PLCH2: variants seen among roughly 807,000 people sequenced by gnomAD.
The protein encoded by PLCH2 is 1-phosphatidylinositol 4,5-bisphosphate phosphodiesterase eta-2.
Under a neutral mutation model 134.7 loss-of-function variants are expected in PLCH2, and 98 were observed. The ratio of observed to expected loss-of-function variants is 0.73; its 90% CI spans 0.62 to 0.86. The LOEUF (loss-of-function observed/expected upper bound fraction) is 0.86. PLCH2 is among the 40% of genes least tolerant of loss of function. The pLI, the probability that PLCH2 is intolerant of heterozygous loss-of-function variation, is 0.00. For synonymous variants in PLCH2, 974 were observed against 827.5 expected (o/e 1.18, Z -3.04); for missense variants, 1,994 against 1,986.6 (o/e 1.00, Z -0.07).
intron 1 of PLCH2, chr1:2,426,079 A>G (rs1638781974): frequency 6.6e-6 from 1 of 152,290 alleles, no homozygotes; most frequent in East Asian, 1.9e-4. Context: ...AGACCTTCTT[A>G]GGGAAATGGC....
chr1:2,420,810 C>T, the PLCH2 span, among the ~76,000 whole-genome samples: 1 of 152,228 alleles, frequency 6.6e-6, no homozygotes, highest in East Asian at 1.9e-4. Flanking sequence ...ACATCAGTAT[C>T]TCTTCCCCCT....
At chr1:2,497,130 C>CCAGGA in intron 15 of PLCH2, 120 bp downstream of exon 15, 1 of 978,076 alleles carries the variant, frequency 1.0e-6, no homozygotes, top group Non-Finnish European at 1.5e-6. Context: ...GCTCTATTGC[C>CCAGGA]CTTGGAGCCT....
upstream of PLCH2, among the ~76,000 whole-genome samples, chr1:2,463,734 A>T (rs2100596519): frequency 6.6e-6 from 1 of 152,260 alleles, no homozygotes; most frequent in Admixed American, 6.5e-5. Context: ...TTGGTGCAAG[A>T]ATGTCCCCCG....
intron 2 of PLCH2, among the ~76,000 whole-genome samples, chr1:2,436,694 G>A (rs1047481361): frequency 6.6e-6 from 1 of 152,196 alleles, no homozygotes; most frequent in African/African-American, 2.4e-5. Flanking sequence ...GGCTATGCAG[G>A]CTGTGCTGGC....
intron 2 of PLCH2, among the ~76,000 whole-genome samples, chr1:2,436,339 CCACCTTT>C (rs1557943020): frequency 1.5e-4 from 1 of 6,844 alleles, no homozygotes; most frequent in Non-Finnish European, 2.9e-4. Context: ...CTTCCTCCCT[CCACCTTT>C]CCTCCCTTCC....
chr1:2,475,638 G>A (rs542782746), upstream of PLCH2, among the ~76,000 whole-genome samples: 7 of 152,348 alleles, frequency 4.6e-5, no homozygotes, highest in East Asian at 9.7e-4. Flanking sequence ...TCAGATGGCT[G>A]TCATCCCTGC....
Position 2,433,579 on chromosome 1 carries a change from C to T in PLCH2, c.115+2950C>T, listed in dbSNP as rs1052683595. Among the ~76,000 whole-genome samples the T allele has an allele frequency of 5.9e-5, 9 of 152,348 alleles. 1 individual carries two copies. In the South Asian group the frequency reaches 8.3e-4, roughly 14 times the overall value. ...TGTGTCCGCACAGCAGGAGCCTCCC[C>T]GGGGGCTTTCTGACTTCAAAGTGCA... On this transcript the variant is annotated intron_variant, in intron 2 of 3. Coordinates refer to the PLCH2 transcript ENST00000609981.
intron 21 of PLCH2, chr1:2,503,164 C>T: frequency 1.6e-6 from 1 of 632,622 alleles, no homozygotes; most frequent in Non-Finnish European, 2.9e-6. Context: ...TGGGAAGAAC[C>T]AGCTGCTCTT....
At chr1:2,423,784 T>A (rs12118145), upstream of PLCH2, among the ~76,000 whole-genome samples, 1 of 152,102 alleles carries the variant, frequency 6.6e-6, no homozygotes, top group Non-Finnish European at 1.5e-5. Flanking sequence ...GTTCTCTCTA[T>A]GGTAGTTAGG....
chr1:2,427,841 C>T (rs2494435), intron 1 of PLCH2, among the ~76,000 whole-genome samples: 21,219 of 152,118 alleles, frequency 0.14, 1,667 homozygotes, highest in African/African-American at 0.18. Flanking sequence ...GGGTGGGAGC[C>T]GGCTTGGACT....
intron 8 of PLCH2, 83 bp downstream of exon 8, chr1:2,487,801 C>G (rs1201449134): frequency 7.6e-7 from 1 of 1,317,192 alleles, no homozygotes; most frequent in African/African-American, 1.5e-5. Flanking sequence ...GCCACACCCA[C>G]ATGTCCTTTC....
chr1:2,495,568 A>G lies in PLCH2; in HGVS notation c.1833A>G (p.Arg611=). The G allele has an allele frequency of 1.3e-6, 2 of 1,546,418 alleles. No homozygotes were observed. Among genetic ancestry groups the G allele is most frequent in the Non-Finnish European group, 1.7e-6 (2 of 1,144,514 alleles). ...EGQDSPGGQS[R]GATRQKKTMK... is the part of the protein sequence containing the mutation. ...AGGACTCCCCGGGAGGCCAGAGCCGAGGGTAGGTGCCCTGCCCCACGGGGA... is the reference window on the plus strand; with the variant it reads ...AGGACTCCCCGGGAGGCCAGAGCCGGGGGTAGGTGCCCTGCCCCACGGGGA... The change falls in exon 13 of 22, where the codon CGA becomes CGG. Residue 611 remains arginine (R), a splice_region_variant and synonymous_variant. Transcript: ENST00000378486.
chr1:2,505,454 G>C lies in PLCH2; in HGVS notation c.*241G>C. The C allele has an allele frequency of 1.8e-6, 1 of 569,528 alleles. No homozygotes were observed. The highest frequency in any genetic ancestry group is 2.1e-5 in the South Asian group (1 of 46,556). 35.3% of individuals were successfully genotyped at this position (569,528 alleles called of 1,614,324 possible). A position where few individuals can be genotyped will look rare whatever the true frequency, so the allele number is the denominator to read the frequency against. The stretch of plus-strand genomic sequence containing the variant: ...GCCAGGCAGTTTTCCCGGCGTTTTA[G>C]GATCTGTACATAGAGAAATATTTAA... On this transcript the variant is annotated 3_prime_UTR_variant, in exon 22 of 22. Coordinates refer to ENST00000378486, the MANE Select transcript of PLCH2 (RefSeq NM_014638.4).
intron 8 of PLCH2, among the ~76,000 whole-genome samples, chr1:2,487,934 G>A (rs906207365): frequency 1.3e-5 from 2 of 152,208 alleles, no homozygotes; most frequent in East Asian, 1.9e-4. Context: ...GGAGCAGCTC[G>A]TCCACACGCC....
intron 2 of PLCH2, among the ~76,000 whole-genome samples, chr1:2,450,784 C>T (rs1336335986): frequency 7.2e-6 from 1 of 138,426 alleles, no homozygotes; most frequent in Non-Finnish European, 1.6e-5. Context: ...GACCCTTGGA[C>T]CAGGCGCGTT....
chr1:2,460,570 G>T (rs754509819), intron 2 of PLCH2, among the ~76,000 whole-genome samples: 2 of 152,240 alleles, frequency 1.3e-5, no homozygotes, highest in Non-Finnish European at 2.9e-5. Flanking sequence ...TGGCATAAAA[G>T]GGACACTGCT....
At chr1:2,473,190 G>A (rs1022290479), upstream of PLCH2, among the ~76,000 whole-genome samples, 5 of 152,246 alleles carry the variant, frequency 3.3e-5, no homozygotes, top group Non-Finnish European at 5.9e-5. Flanking sequence ...GGAAGGGGCT[G>A]CAGGAGCAAA....
chr1:2,503,865 C>CCT, intron 21 of PLCH2, 57 bp from the exon 22 acceptor site: 1 of 664,734 alleles, frequency 1.5e-6, no homozygotes, highest in Non-Finnish European at 2.8e-6. Flanking sequence ...TCCCTGCCTC[C>CCT]CTCTCTCTCT....
intron 2 of PLCH2, among the ~76,000 whole-genome samples, chr1:2,431,101 C>T (rs1639046982): frequency 6.6e-6 from 1 of 152,274 alleles, no homozygotes; most frequent in East Asian, 1.9e-4. Context: ...TGCTGGGATG[C>T]CCTGGAGTGG....
Sources: gnomAD v4.1 joint callset for allele counts (sites outside exome capture counted in the v4.1 genomes callset) on GRCh38, gnomAD v4.1.1 for gene constraint, MANE v1.5 for transcripts, NCBI Gene and HGNC (gene_info 2026-07-23, HGNC 2026-07-21) for gene names.